Variants in NOPCHAP1 observed in about 807,000 individuals in gnomAD.
NOPCHAP1 encodes the protein DNA damage-sensitive RNA 1.
Under a neutral mutation model 14.0 loss-of-function variants are expected in NOPCHAP1, and 13 were observed. That is an observed-to-expected ratio of 0.93 (90% CI 0.60 to 1.47). NOPCHAP1 has a LOEUF of 1.47. Among genes scored for constraint, NOPCHAP1 ranks in the 40% most tolerant of loss-of-function variants. The probability of loss-of-function intolerance (pLI) is 0.00; values close to 1 mark genes in which losing one functional copy is unlikely to be tolerated. For synonymous variants in NOPCHAP1, 78 were observed against 78.4 expected, an observed-to-expected ratio of 1.00 and a Z score of 0.03; for missense variants, 230 against 226.9, an observed-to-expected ratio of 1.01 and a Z score of -0.09.
rs2136028761 is a variant in NOPCHAP1 at position 104,998,052 on chromosome 12, A to C, written c.*3356A>C. ...TTTTTCAGCTCTGTCAGATCGGTTT[A>C]GTTCTCTCTTATAATGGCCGTTTTG... On this transcript the variant is annotated 3_prime_UTR_variant, in exon 4 of 4. Coordinates refer to ENST00000552951, the MANE Select transcript of NOPCHAP1 (RefSeq NM_152318.3). 1 of 152,166 alleles carries C rather than the reference A, an allele frequency of 6.6e-6. No homozygotes were observed. The highest frequency in any genetic ancestry group is 2.1e-4 in the South Asian group (1 of 4,816). The allele number at this position is 152,166 out of a possible 1,614,324, so 9.4% of individuals were successfully genotyped here.
At chr12:104,994,396 G>A in intron 3 of NOPCHAP1, 82 bp from the exon 4 acceptor site, 1 of 1,232,706 alleles carries the variant, frequency 8.1e-7, no homozygotes, top group South Asian at 1.2e-5. Context: ...TTTGCTGAAT[G>A]TTGGTTCTTC....
chr12:104,991,766 TAAGAA>T lies in NOPCHAP1; in HGVS notation c.264_268del (p.Lys88AsnfsTer12), dbSNP rs1189703189. On this transcript the variant is annotated frameshift_variant, in exon 3 of 4. Coordinates refer to ENST00000552951, the MANE Select transcript of NOPCHAP1 (RefSeq NM_152318.3). LOFTEE classifies it high-confidence loss of function. Reference sequence around the variant, plus strand: ...CAGATGGCACGGGCAAATGAAAAGCTAAGAAAAGAAATGGCAGCTGCACCACCTGG... The same window carrying T: ...CAGATGGCACGGGCAAATGAAAAGCTAAGAAATGGCAGCTGCACCACCTGG... 27 of 1,613,734 alleles carry T rather than the reference TAAGAA, an allele frequency of 1.7e-5. No homozygotes were observed. The highest frequency in any genetic ancestry group is 2.2e-5 in the Non-Finnish European group (26 of 1,179,944).
Position 105,007,939 on chromosome 12 carries a change from C to T in NOPCHAP1, c.*13243C>T, listed in dbSNP as rs1873739297. ...CATTTGGGTTGGTTCCAAGTCTTTG[C>T]TATTGTGAGCAGTGCTGCAGTAAAC... On this transcript the variant is annotated 3_prime_UTR_variant, in exon 4 of 4. Coordinates refer to ENST00000552951, the MANE Select transcript of NOPCHAP1 (RefSeq NM_152318.3). 6.6e-6 allele frequency: 1 copy of T among 152,142 alleles called. No individual in the cohort carries two copies. The highest frequency in any genetic ancestry group is 2.4e-5 in the African/African-American group (1 of 41,422). 9.4% of individuals were successfully genotyped at this position (152,142 alleles called of 1,614,324 possible). A position where few individuals can be genotyped will look rare whatever the true frequency, so the allele number is the denominator to read the frequency against.
intron 2 of NOPCHAP1, among the ~76,000 whole-genome samples, chr12:104,989,008 A>T (rs1384143559): frequency 2.1e-5 from 3 of 143,196 alleles, no homozygotes; most frequent in African/African-American, 7.7e-5. Context: ...AGAAGGTGTA[A>T]TTTTTTTTTT....
chr12:104,990,508 T>C (rs1162341589), intron 2 of NOPCHAP1, among the ~76,000 whole-genome samples: 1 of 152,252 alleles, frequency 6.6e-6, no homozygotes, highest in Non-Finnish European at 1.5e-5. Context: ...TTCCAGCACC[T>C]TATTTTACAA....
At chr12:104,987,969 G>A (rs184987686) in intron 1 of NOPCHAP1, among the ~76,000 whole-genome samples, 198 bp from the exon 2 acceptor site, 260 of 152,308 alleles carry the variant, frequency 1.7e-3, no homozygotes, top group Middle Eastern at 6.8e-3. Context: ...TGAGACAGAT[G>A]TAAGAAAGGA....
intron 3 of NOPCHAP1, among the ~76,000 whole-genome samples, chr12:104,992,472 G>T (rs996729873): frequency 2.0e-5 from 3 of 152,176 alleles, no homozygotes; most frequent in Non-Finnish European, 2.9e-5. Context: ...TGCGTTCACT[G>T]TGCCTTCCCT....
intron 3 of NOPCHAP1, among the ~76,000 whole-genome samples, chr12:104,993,438 C>A (rs76559908): frequency 0.012 from 1,872 of 152,164 alleles, 45 homozygotes; most frequent in African/African-American, 0.043. Context: ...AGTGGTCAGC[C>A]GCTCTGTCTC....
intron 3 of NOPCHAP1, 67 bp from the exon 4 acceptor site, chr12:104,994,411 T>C: frequency 7.4e-7 from 1 of 1,346,238 alleles, no homozygotes; most frequent in South Asian, 1.2e-5. Flanking sequence ...TTCTTCCCAA[T>C]ATTGTTTTAT....
At chr12:104,991,560 G>A in intron 2 of NOPCHAP1, 152 bp from the exon 3 acceptor site, 1 of 729,902 alleles carries the variant, frequency 1.4e-6, no homozygotes, top group South Asian at 2.4e-5. Flanking sequence ...GTTTTATTCA[G>A]AAGAGGATGG....
chr12:104,992,428 T>C (rs1269336861), intron 3 of NOPCHAP1, among the ~76,000 whole-genome samples: 1 of 152,254 alleles, frequency 6.6e-6, no homozygotes, highest in Non-Finnish European at 1.5e-5. Flanking sequence ...GCCTCTCCTT[T>C]GGAGTATTGC....
At chr12:104,988,065 G>T in intron 1 of NOPCHAP1, 102 bp from the exon 2 acceptor site, 1 of 839,160 alleles carries the variant, frequency 1.2e-6, no homozygotes. Context: ...GGGGAGTGTG[G>T]ACAGTCAAGT....
rs994638802 is a variant in NOPCHAP1, at chr12:104,995,244, G to A, written c.*548G>A. On this transcript the variant is annotated 3_prime_UTR_variant, in exon 4 of 4. Transcript: ENST00000552951. ...CAAAGAGGAGACCTAAGCCCAGCAT[G>A]TCGTCCACTGTTTGGGATGCCTGCA... 1 of 153,978 alleles carries A rather than the reference G, an allele frequency of 6.5e-6. No individual in the cohort carries two copies. The highest frequency in any genetic ancestry group is 1.4e-5 in the Non-Finnish European group (1 of 69,520). 9.5% of individuals were successfully genotyped at this position (153,978 alleles called of 1,614,324 possible). A position where few individuals can be genotyped will look rare whatever the true frequency, so the allele number is the denominator to read the frequency against.
rs1306527416 is a variant in NOPCHAP1, at chr12:104,997,162, G to C, written c.*2466G>C. The stretch of plus-strand genomic sequence containing the variant: ...CTGGTTACCATGCAGACTTGTCTGT[G>C]TGGTTGCTTTATAGTGTTACTAATC... On this transcript the variant is annotated 3_prime_UTR_variant, in exon 4 of 4. Transcript: ENST00000552951. 6.6e-6 allele frequency: 1 copy of C among 152,166 alleles called. No individual in the cohort carries two copies. The highest frequency in any genetic ancestry group is 2.4e-5 in the African/African-American group (1 of 41,438). The allele number at this position is 152,166 out of a possible 1,614,324, so 9.4% of individuals were successfully genotyped here.
rs1014783355 is a variant in NOPCHAP1, at chr12:105,014,825, A to G, written c.*20129A>G. 4 of 152,184 alleles carry G rather than the reference A, an allele frequency of 2.6e-5. No individual in the cohort carries two copies. Among genetic ancestry groups the G allele is most frequent in the Admixed American group, 2.6e-4 (4 of 15,282 alleles). 9.4% of individuals were successfully genotyped at this position (152,184 alleles called of 1,614,324 possible). A position where few individuals can be genotyped will look rare whatever the true frequency, so the allele number is the denominator to read the frequency against. ...GGCGACAGCTGGTTTTCCCTTCCAA[A>G]GGTCAAAATGACCTCAGGCTGGAGT... On this transcript the variant is annotated 3_prime_UTR_variant, in exon 4 of 4. Transcript: ENST00000552951.
chr12:104,988,890 A>T (rs73383489), intron 2 of NOPCHAP1, among the ~76,000 whole-genome samples: 4 of 152,182 alleles, frequency 2.6e-5, no homozygotes, highest in African/African-American at 9.7e-5. Context: ...CTAAATCTAC[A>T]ATAGCTGAAA....
In NOPCHAP1 at chr12:105,008,505, A is replaced by G. The variant is rs750452359; in HGVS notation, c.*13809A>G. 8 of 152,126 alleles carry G rather than the reference A, an allele frequency of 5.3e-5. No homozygotes were observed. The highest frequency in any genetic ancestry group is 4.6e-4 in the Admixed American group (7 of 15,276). The allele number at this position is 152,126 out of a possible 1,614,324, so 9.4% of individuals were successfully genotyped here. ...TAGTTTAATTAGATCCCATTTGTCT[A>G]TTTTAGCTTTTGTTGACATTGCTTT... On this transcript the variant is annotated 3_prime_UTR_variant, in exon 4 of 4. Transcript: ENST00000552951.
intron 1 of NOPCHAP1, among the ~76,000 whole-genome samples, chr12:104,986,985 G>C (rs998891802): frequency 6.6e-6 from 1 of 152,308 alleles, no homozygotes; most frequent in East Asian, 1.9e-4. Context: ...GAATTTAAAA[G>C]CACGAGTTCG....
intron 1 of NOPCHAP1, among the ~76,000 whole-genome samples, chr12:104,986,866 A>G (rs1565937732): frequency 6.6e-6 from 1 of 152,158 alleles, no homozygotes; most frequent in Admixed American, 6.5e-5. Context: ...TATTATGCTA[A>G]CAGTCCCTAC....
Sources: allele counts gnomAD v4.1 joint callset (sites outside exome capture counted in the v4.1 genomes callset), GRCh38; gene constraint gnomAD v4.1.1; transcripts MANE v1.5; gene names NCBI Gene and HGNC (gene_info 2026-07-23, HGNC 2026-07-21).